ERC1: variants seen among roughly 807,000 people sequenced by gnomAD.
ERC1 encodes the protein RAB6 interacting protein 2.
ERC1 carries 56 observed loss-of-function variants against 132.0 expected under a neutral mutation model. The ratio of observed to expected loss-of-function variants is 0.42; its 90% confidence interval spans 0.34 to 0.53. The LOEUF (loss-of-function observed/expected upper bound fraction) is 0.53, where lower values mean the gene tolerates loss of function less well. ERC1 is among the 20% of genes least tolerant of loss of function. The pLI, the probability that ERC1 is intolerant of heterozygous loss-of-function variation, is 0.03. For missense variants in ERC1, 1,202 were observed against 1,349.9 expected, an observed-to-expected ratio of 0.89 and a Z score of 1.72; for synonymous variants, 478 against 476.1, an observed-to-expected ratio of 1.00 and a Z score of -0.05.
intron 15 of ERC1, among the ~76,000 whole-genome samples, chr12:1,371,354 C>A (rs530809969): frequency 4.1e-4 from 63 of 152,294 alleles, no homozygotes; most frequent in African/African-American, 1.5e-3. Flanking sequence ...AAGATAACAA[C>A]ATGATAAAGA....
intron 14 of ERC1, among the ~76,000 whole-genome samples, chr12:1,280,688 A>G (rs1189854062): frequency 6.6e-6 from 1 of 152,206 alleles, no homozygotes; most frequent in Non-Finnish European, 1.5e-5. Context: ...GAGCCTTATT[A>G]TGGCCAAAAT....
At chr12:1,402,272 G>A (rs575680966) in intron 16 of ERC1, among the ~76,000 whole-genome samples, 15 of 152,208 alleles carry the variant, frequency 9.9e-5, no homozygotes, top group South Asian at 4.1e-4. Context: ...GGCTCACGCC[G>A]TAATCCCAGC....
chr12:1,337,396 G>A (rs1413634406), intron 15 of ERC1, among the ~76,000 whole-genome samples: 4 of 149,322 alleles, frequency 2.7e-5, no homozygotes, highest in Admixed American at 2.7e-4. Context: ...TGTTTGCTTC[G>A]TAGATTTTTC....
At chr12:1,165,472 A>T (rs1026247001) in intron 8 of ERC1, among the ~76,000 whole-genome samples, 1 of 151,712 alleles carries the variant, frequency 6.6e-6, no homozygotes, top group Non-Finnish European at 1.5e-5. Context: ...TGCCCGGCGA[A>T]TTTTTTTGTA....
intron 16 of ERC1, among the ~76,000 whole-genome samples, chr12:1,377,077 A>AC (rs2088023129): frequency 6.6e-6 from 1 of 151,922 alleles, no homozygotes; most frequent in African/African-American, 2.4e-5. Flanking sequence ...TTAATCCTCC[A>AC]AAGACCGCTT....
In ERC1 at chr12:1,467,560, G is replaced by A. The variant is rs375111570; in HGVS notation, c.3214-22533G>A. Among the ~76,000 whole-genome samples the A allele has an allele frequency of 6.6e-5, 10 of 152,098 alleles. No individual in the cohort carries two copies. The East Asian group carries it at 7.7e-4, about 12-fold the overall frequency. The stretch of plus-strand genomic sequence containing the variant: ...TAGAGCAGCGGTCCCCAACGTTTTC[G>A]GCACCGGGGACTGGTTTCACAGAAG... On this transcript the variant is annotated intron_variant, in intron 18 of 18. Coordinates refer to ENST00000360905, the MANE Select transcript of ERC1 (RefSeq NM_178040.4).
chr12:1,091,103 G>C (rs888669921), intron 3 of ERC1, among the ~76,000 whole-genome samples: 5 of 152,242 alleles, frequency 3.3e-5, no homozygotes, highest in Non-Finnish European at 7.4e-5. Context: ...TGGCCAGGCT[G>C]GTCTCAAACT....
At position 1,490,926 on chromosome 12, in the gene ERC1, CAAG is replaced by C. The variant is rs2154435143; in HGVS notation, c.*701_*703del. ...CTCACTCTGTTCCTCGGCCAGTTAACAAGAAGATGGTGTGAGGTGTTCTCCACC... is the reference window on the plus strand; with the variant it reads ...CTCACTCTGTTCCTCGGCCAGTTAACAAGATGGTGTGAGGTGTTCTCCACC... On this transcript the variant is annotated 3_prime_UTR_variant, in exon 19 of 19. Transcript: ENST00000360905. 2 of 232,726 alleles carry C rather than the reference CAAG, an allele frequency of 8.6e-6. No individual in the cohort carries two copies. The highest frequency in any genetic ancestry group is 3.6e-4 in the South Asian group (2 of 5,512). The allele number at this position is 232,726 out of a possible 1,614,324, so 14.4% of individuals were successfully genotyped here.
chr12:1,009,563 T>G (rs1035295490), intron 1 of ERC1, among the ~76,000 whole-genome samples: 15 of 152,200 alleles, frequency 9.9e-5, no homozygotes, highest in Non-Finnish European at 1.9e-4. Context: ...AGGGGTTTGC[T>G]GTTGGGATTA....
intron 15 of ERC1, among the ~76,000 whole-genome samples, chr12:1,304,446 TTA>T (rs1464735001): frequency 6.6e-6 from 1 of 152,234 alleles, no homozygotes; most frequent in African/African-American, 2.4e-5. Flanking sequence ...GAAAGTGGGA[TTA>T]TCGTTCTTGG....
At position 1,408,199 on chromosome 12, in the gene ERC1, C is replaced by A. The variant is rs1280830615; in HGVS notation, c.2976C>A (p.Phe992Leu). ...LMADNYEDDH[F>L]KSSHSNQTNH... Reference sequence around the variant, plus strand: ...CCGACAACTACGAGGATGACCACTTCAAATCCTCCCATTCCAATCAAACAA... The same window carrying A: ...CCGACAACTACGAGGATGACCACTTAAAATCCTCCCATTCCAATCAAACAA... The change falls in exon 17 of 19, where the codon TTC (phenylalanine) becomes TTA (leucine). Residue 992 changes from phenylalanine to leucine, a missense_variant. By Grantham distance (22) the Phe-to-Leu change is conservative. Transcript: ENST00000360905. 5 of 1,614,056 alleles carry A rather than the reference C, an allele frequency of 3.1e-6. No individual in the cohort carries two copies. In the South Asian group the frequency reaches 5.5e-5, roughly 18 times the overall value.
chr12:1,005,822 T>C (rs1484257114), intron 1 of ERC1, among the ~76,000 whole-genome samples: 1 of 152,168 alleles, frequency 6.6e-6, no homozygotes, highest in African/African-American at 2.4e-5. Context: ...AGTATATACA[T>C]GTATATTTTA....
chr12:1,341,069 CTTTTTTTTTTTTTTTTTTTTTT>C (rs35902573), intron 15 of ERC1, among the ~76,000 whole-genome samples: 85 of 63,156 alleles, frequency 1.3e-3, no homozygotes, highest in South Asian at 5.9e-3. Context: ...TTTTCTTTTT[CTTTTTTTTTTTTTTTTTTTTTT>C]TTTTTTTTTT....
At chr12:1,127,234 A>G (rs1948286265) in intron 7 of ERC1, among the ~76,000 whole-genome samples, 1 of 152,194 alleles carries the variant, frequency 6.6e-6, no homozygotes, top group Non-Finnish European at 1.5e-5. Flanking sequence ...GGATTTGGGC[A>G]AACAGTAACA....
chr12:1,371,241 C>T (rs1262908983), intron 15 of ERC1, among the ~76,000 whole-genome samples: 1 of 116,934 alleles, frequency 8.6e-6, no homozygotes, highest in Non-Finnish European at 1.7e-5. Flanking sequence ...TCTCTGTTTG[C>T]GTGAGTTTGA....
At chr12:1,195,663 A>G (rs1221891421) in intron 12 of ERC1, among the ~76,000 whole-genome samples, 1 of 152,186 alleles carries the variant, frequency 6.6e-6, no homozygotes, top group African/African-American at 2.4e-5. Flanking sequence ...ACTTCTGCCA[A>G]CCTAAGATGA....
chr12:1,123,409 T>C (rs762253398), intron 7 of ERC1, among the ~76,000 whole-genome samples: 122 of 152,126 alleles, frequency 8.0e-4, no homozygotes, highest in Admixed American at 3.9e-3. Flanking sequence ...AATAAGTACT[T>C]AGATCAAAAT....
chr12:1,385,626 A>T (rs1181739235), intron 16 of ERC1, among the ~76,000 whole-genome samples: 1 of 152,214 alleles, frequency 6.6e-6, no homozygotes, highest in African/African-American at 2.4e-5. Context: ...CAGGAAGAAC[A>T]GAAGGAAACC....
chr12:1,201,190 G>C (rs1033440197), intron 12 of ERC1, among the ~76,000 whole-genome samples: 1 of 150,622 alleles, frequency 6.6e-6, no homozygotes, highest in African/African-American at 2.5e-5. Context: ...TGCCATTTCT[G>C]ACCTTGTTTT....
Sources: allele counts gnomAD v4.1 joint callset (sites outside exome capture counted in the v4.1 genomes callset), GRCh38; gene constraint gnomAD v4.1.1; transcripts MANE v1.5; gene names NCBI Gene and HGNC (gene_info 2026-07-23, HGNC 2026-07-21).